PDE10A: variants seen among roughly 807,000 people sequenced by gnomAD.
PDE10A encodes the protein cAMP and cAMP-inhibited cGMP 3',5'-cyclic phosphodiesterase 10A.
Under a neutral mutation model 97.7 loss-of-function variants are expected in PDE10A, and 39 were observed. That is an observed-to-expected ratio of 0.40 (90% CI 0.31 to 0.52). PDE10A has a LOEUF of 0.52. Among genes scored for constraint, PDE10A ranks in the 20% least tolerant of loss-of-function variants. PDE10A has a pLI of 0.56. For synonymous variants in PDE10A, 371 were observed against 376.8 expected (o/e 0.98, Z 0.18); for missense variants, 731 against 1,047.8 (o/e 0.70, Z 4.17).
intron 1 of PDE10A, among the ~76,000 whole-genome samples, chr6:165,793,988 A>G (rs1029682668): frequency 2.6e-5 from 4 of 152,180 alleles, no homozygotes; most frequent in South Asian, 2.1e-4. Context: ...CCAGCCTCAC[A>G]AAAATTAATG....
intron 1 of PDE10A, among the ~76,000 whole-genome samples, chr6:165,675,790 A>C (rs1358865449): frequency 2.0e-5 from 3 of 152,222 alleles, no homozygotes; most frequent in Non-Finnish European, 2.9e-5. Flanking sequence ...AAAAGACAAA[A>C]ACTCCTGCTC....
intron 3 of PDE10A, among the ~76,000 whole-genome samples, chr6:165,466,262 G>A (rs16897897): frequency 0.03 from 4,610 of 152,268 alleles, 210 homozygotes; most frequent in African/African-American, 0.094. Flanking sequence ...CAAGTTTAGC[G>A]AAAAGGGATC....
chr6:165,502,767 G>C (rs1038708663), intron 2 of PDE10A, among the ~76,000 whole-genome samples: 1 of 152,186 alleles, frequency 6.6e-6, no homozygotes, highest in Non-Finnish European at 1.5e-5. Flanking sequence ...CACACTACAT[G>C]AGTGTCTTTA....
rs187352437 is a variant in PDE10A at position 165,390,028 on chromosome 6, T to C, written c.2455-1575A>G. 1.8e-3 allele frequency among the ~76,000 whole-genome samples: 272 copies of C among 152,298 alleles called. 1 individual carries two copies. The highest frequency in any genetic ancestry group is 6.4e-3 in the African/African-American group (265 of 41,566). ...TGAAAAGACTGAAGTGTTTAAAGAA[T>C]ATTGACTCAATGTGTTAGTAACAAT... On this transcript the variant is annotated intron_variant, in intron 16 of 21. Coordinates refer to ENST00000539869, the MANE Select transcript of PDE10A (RefSeq NM_001385079.1).
chr6:165,724,068 C>T (rs553501622), intron 1 of PDE10A, among the ~76,000 whole-genome samples: 89 of 152,242 alleles, frequency 5.8e-4, no homozygotes, highest in Non-Finnish European at 5.4e-4. Flanking sequence ...GACAAGAGGA[C>T]GGAATATTAG....
intron 1 of PDE10A, chr6:165,948,621 G>A (rs1247630892): frequency 6.6e-6 from 1 of 152,356 alleles, no homozygotes; most frequent in African/African-American, 2.4e-5. Flanking sequence ...AAGGAAGGTA[G>A]CTGAGAGCTG....
At chr6:165,717,972 T>C (rs1016368415) in intron 1 of PDE10A, among the ~76,000 whole-genome samples, 1 of 152,228 alleles carries the variant, frequency 6.6e-6, no homozygotes, top group Admixed American at 6.5e-5. Flanking sequence ...GTTGCAGGAA[T>C]TCTTTGCATA....
At chr6:165,769,390 G>A (rs1307684067) in intron 1 of PDE10A, among the ~76,000 whole-genome samples, 1 of 152,194 alleles carries the variant, frequency 6.6e-6, no homozygotes, top group East Asian at 1.9e-4. Context: ...AGGAACTATA[G>A]AGTAGGTAGT....
chr6:165,715,211 A>G (rs926561935), intron 1 of PDE10A, among the ~76,000 whole-genome samples: 5 of 152,374 alleles, frequency 3.3e-5, no homozygotes, highest in African/African-American at 1.2e-4. Context: ...ATTCACTCGC[A>G]GCAGGTGGCG....
intron 1 of PDE10A, among the ~76,000 whole-genome samples, chr6:165,842,353 T>G (rs1780286760): frequency 6.6e-6 from 1 of 152,224 alleles, no homozygotes; most frequent in South Asian, 2.1e-4. Context: ...GTGCCACAAA[T>G]GTACCCATTA....
chr6:165,938,544 G>A lies in PDE10A; in HGVS notation c.-615+48985C>T, dbSNP rs551335674. Among the ~76,000 whole-genome samples, 45 of 152,248 alleles carry A rather than the reference G, an allele frequency of 3.0e-4. 1 individual carries two copies. In the South Asian group the frequency reaches 3.5e-3, roughly 12 times the overall value. ...AGGGACCCTGTGCTCACTGGACAACGGGGCCCTTATCCTTGGGATTCAAGT... is the reference window on the plus strand; with the variant it reads ...AGGGACCCTGTGCTCACTGGACAACAGGGCCCTTATCCTTGGGATTCAAGT... On this transcript the variant is annotated intron_variant, in intron 1 of 19. Coordinates refer to the PDE10A transcript ENST00000366882.
intron 3 of PDE10A, among the ~76,000 whole-genome samples, chr6:165,458,709 AAT>A (rs1255725679): frequency 1.2e-4 from 18 of 152,142 alleles, no homozygotes; most frequent in Non-Finnish European, 2.2e-4. Context: ...ACGTTTTATA[AAT>A]ATGTTTTAAT....
intron 13 of PDE10A, among the ~76,000 whole-genome samples, chr6:165,401,136 C>T (rs1786629356): frequency 6.6e-6 from 1 of 152,118 alleles, no homozygotes; most frequent in African/African-American, 2.4e-5. Flanking sequence ...CTAAGTTGTA[C>T]ACTTTAAACA....
At chr6:165,514,187 T>C (rs1463815039) in intron 2 of PDE10A, among the ~76,000 whole-genome samples, 1 of 152,236 alleles carries the variant, frequency 6.6e-6, no homozygotes, top group Non-Finnish European at 1.5e-5. Flanking sequence ...ATTGGTTTGC[T>C]AATTTTTTAA....
At chr6:165,371,535 T>C (rs1201190180) in intron 18 of PDE10A, among the ~76,000 whole-genome samples, 1 of 151,936 alleles carries the variant, frequency 6.6e-6, no homozygotes, top group East Asian at 1.9e-4. Flanking sequence ...CAGGAAGAAG[T>C]TGAATCTCTG....
intron 1 of PDE10A, among the ~76,000 whole-genome samples, chr6:165,562,958 C>T (rs1784593529): frequency 6.6e-6 from 1 of 152,106 alleles, no homozygotes; most frequent in Non-Finnish European, 1.5e-5. Flanking sequence ...GCACAGAAAG[C>T]CTCCTGACAG....
intron 1 of PDE10A, among the ~76,000 whole-genome samples, chr6:165,750,649 C>T (rs11961593): frequency 0.15 from 23,454 of 152,230 alleles, 2,892 homozygotes; most frequent in African/African-American, 0.34. Context: ...ACATTTTCTT[C>T]AACTTCTGAG....
At chr6:165,493,531 C>A (rs551075583) in intron 2 of PDE10A, among the ~76,000 whole-genome samples, 1 of 151,980 alleles carries the variant, frequency 6.6e-6, no homozygotes, top group South Asian at 2.1e-4. Context: ...AGAAATAAGG[C>A]GAAATACTTA....
At chr6:165,947,749 A>C (rs1228092556) in intron 1 of PDE10A, among the ~76,000 whole-genome samples, 1 of 152,088 alleles carries the variant, frequency 6.6e-6, no homozygotes, top group Non-Finnish European at 1.5e-5. Flanking sequence ...TTGATGTCGA[A>C]ATTGTCATAC....
Sources: allele counts gnomAD v4.1 joint callset (sites outside exome capture counted in the v4.1 genomes callset), GRCh38; gene constraint gnomAD v4.1.1; transcripts MANE v1.5; gene names NCBI Gene and HGNC (gene_info 2026-07-23, HGNC 2026-07-21).